FHIT: variants seen among roughly 807,000 people sequenced by gnomAD.
FHIT encodes the protein bis(5'-adenosyl)-triphosphatase.
A neutral mutation model predicts 17.9 loss-of-function variants in FHIT; 19 were observed. The observed-to-expected ratio is 1.06, with a 90% CI of 0.74 to 1.56. FHIT has a LOEUF of 1.56. Ranked by LOEUF, FHIT falls within the 40% of genes most tolerant of loss-of-function variation. The pLI is 0.00. For missense variants in FHIT, 248 were observed against 189.2 expected (o/e 1.31, Z -1.82); for synonymous variants, 81 against 69.7 (o/e 1.16, Z -0.81).
At chr3:60,018,078 GT>G (rs763864406) in intron 5 of FHIT, among the ~76,000 whole-genome samples, 13 of 152,204 alleles carry the variant, frequency 8.5e-5, no homozygotes, top group Non-Finnish European at 1.6e-4. Context: ...TCTGAAGGCT[GT>G]CCAAGAAGCA....
intron 5 of FHIT, among the ~76,000 whole-genome samples, chr3:60,200,290 C>T (rs1385380074): frequency 6.6e-6 from 1 of 152,102 alleles, no homozygotes; most frequent in Non-Finnish European, 1.5e-5. Flanking sequence ...CCCCTTTCCA[C>T]ATTTTAGGGC....
At chr3:60,105,720 A>C (rs1326750673) in intron 5 of FHIT, among the ~76,000 whole-genome samples, 1 of 151,262 alleles carries the variant, frequency 6.6e-6, no homozygotes, top group Non-Finnish European at 1.5e-5. Flanking sequence ...TTCACACCCA[A>C]ATTTCCGACT....
intron 8 of FHIT, among the ~76,000 whole-genome samples, chr3:59,797,253 C>G (rs1485112139): frequency 6.6e-6 from 1 of 151,000 alleles, no homozygotes; most frequent in Non-Finnish European, 1.5e-5. Context: ...GTGGCACAAT[C>G]TCTACTCACT....
At chr3:60,836,755 C>T (rs868936054) in intron 3 of FHIT, among the ~76,000 whole-genome samples, 4 of 152,072 alleles carry the variant, frequency 2.6e-5, no homozygotes, top group East Asian at 1.9e-4. Context: ...GTCAGATTCC[C>T]GCCCAAAGCA....
intron 5 of FHIT, among the ~76,000 whole-genome samples, chr3:60,273,449 A>G (rs923990110): frequency 1.3e-5 from 2 of 149,592 alleles, no homozygotes; most frequent in African/African-American, 5.0e-5. Context: ...TCTACTAAAA[A>G]TACAAAAAAA....
At chr3:61,092,333 A>G (rs1435815314) in intron 2 of FHIT, among the ~76,000 whole-genome samples, 1 of 152,178 alleles carries the variant, frequency 6.6e-6, no homozygotes, top group Non-Finnish European at 1.5e-5. Flanking sequence ...ATTACATCCC[A>G]ACGACCCACT....
chr3:61,152,217 G>A (rs1456734320), intron 2 of FHIT, among the ~76,000 whole-genome samples: 5 of 152,158 alleles, frequency 3.3e-5, no homozygotes, highest in Non-Finnish European at 7.3e-5. Flanking sequence ...AGGGAAAGTA[G>A]ATCAGGGAGA....
At chr3:60,793,191 A>T (rs1382113108) in intron 4 of FHIT, among the ~76,000 whole-genome samples, 1 of 152,190 alleles carries the variant, frequency 6.6e-6, no homozygotes, top group African/African-American at 2.4e-5. Flanking sequence ...TACATATGAC[A>T]TTCATGATTT....
intron 7 of FHIT, among the ~76,000 whole-genome samples, chr3:60,009,205 G>GCGCGCA (rs1700044279): frequency 6.7e-6 from 1 of 148,758 alleles, no homozygotes; most frequent in African/African-American, 2.5e-5. Flanking sequence ...GTGTGTGTGT[G>GCGCGCA]TGTGTGTGTG....
At chr3:60,790,776 T>C (rs1700751274) in intron 4 of FHIT, among the ~76,000 whole-genome samples, 1 of 152,156 alleles carries the variant, frequency 6.6e-6, no homozygotes. Context: ...TGACAAAAGA[T>C]TGAGTCCTAA....
chr3:60,888,234 GC>G (rs1359112514), intron 3 of FHIT, among the ~76,000 whole-genome samples: 1 of 152,132 alleles, frequency 6.6e-6, no homozygotes, highest in East Asian at 1.9e-4. Flanking sequence ...ATATGCTAAA[GC>G]ACCGCATTTT....
chr3:60,946,196 T>C (rs1347099147), intron 3 of FHIT, among the ~76,000 whole-genome samples: 2 of 152,132 alleles, frequency 1.3e-5, no homozygotes, highest in African/African-American at 4.8e-5. Flanking sequence ...AAAGAACTGT[T>C]GGAGTAGAGA....
chr3:60,622,984 C>T (rs1009947), intron 4 of FHIT, among the ~76,000 whole-genome samples: 77,725 of 151,986 alleles, frequency 0.51, 20,102 homozygotes, highest in East Asian at 0.62. Context: ...CTGCTGTTGA[C>T]AGTCGTACAC....
At chr3:61,074,022 T>C (rs540181333) in intron 2 of FHIT, among the ~76,000 whole-genome samples, 1 of 152,338 alleles carries the variant, frequency 6.6e-6, no homozygotes, top group Admixed American at 6.5e-5. Context: ...CATGGGTTAT[T>C]AGACACGAGA....
chr3:60,731,585 C>T (rs1553711253), intron 4 of FHIT, among the ~76,000 whole-genome samples: 1 of 152,124 alleles, frequency 6.6e-6, no homozygotes, highest in African/African-American at 2.4e-5. Flanking sequence ...TATGCATACC[C>T]ACTTGAGGCA....
intron 5 of FHIT, among the ~76,000 whole-genome samples, chr3:60,344,313 C>A (rs902612929): frequency 6.6e-6 from 1 of 152,134 alleles, no homozygotes; most frequent in African/African-American, 2.4e-5. Flanking sequence ...ACTCAGGGAG[C>A]AGACTGAGAT....
chr3:60,429,422 A>T (rs1303214307), intron 5 of FHIT, among the ~76,000 whole-genome samples: 1 of 152,086 alleles, frequency 6.6e-6, no homozygotes, highest in Non-Finnish European at 1.5e-5. Context: ...AAGAAACCCA[A>T]GCAAAAAGAA....
At chr3:60,033,856 TA>T (rs1348078344) in intron 5 of FHIT, among the ~76,000 whole-genome samples, 6 of 152,208 alleles carry the variant, frequency 3.9e-5, no homozygotes, top group Non-Finnish European at 7.3e-5. Context: ...AATTAGCAAG[TA>T]TTAGCATCAT....
intron 3 of FHIT, among the ~76,000 whole-genome samples, chr3:60,988,767 T>A (rs555051452): frequency 1.3e-5 from 2 of 152,236 alleles, no homozygotes; most frequent in African/African-American, 2.4e-5. Context: ...GCATTTTGCA[T>A]CTCAAGTCTC....
Sources: allele counts gnomAD v4.1 joint callset (sites outside exome capture counted in the v4.1 genomes callset), GRCh38; gene constraint gnomAD v4.1.1; transcripts MANE v1.5; gene names NCBI Gene and HGNC (gene_info 2026-07-23, HGNC 2026-07-21).